Variants in LYN observed in about 807,000 individuals in gnomAD.
LYN encodes the protein tyrosine-protein kinase Lyn.
LYN carries 12 observed loss-of-function variants against 65.0 expected under a neutral mutation model. The ratio of observed to expected loss-of-function variants is 0.18; its 90% CI spans 0.12 to 0.30. The LOEUF (loss-of-function observed/expected upper bound fraction) is 0.30, where lower values mean the gene tolerates loss of function less well. Ranked by LOEUF, LYN falls within the 10% of genes least tolerant of loss-of-function variation. The pLI is 1.00. For missense variants in LYN, 380 were observed against 623.2 expected (o/e 0.61, Z 4.16); for synonymous variants, 222 against 221.2 (o/e 1.00, Z -0.03).
intron 10 of LYN, among the ~76,000 whole-genome samples, chr8:55,997,424 C>T (rs944183846): frequency 2.6e-5 from 4 of 152,124 alleles, no homozygotes; most frequent in African/African-American, 4.8e-5. Flanking sequence ...GCAAGGAAAG[C>T]CCTGGCAGGT....
At chr8:55,887,143 T>A (rs1032283895) in intron 1 of LYN, among the ~76,000 whole-genome samples, 11 of 152,220 alleles carry the variant, frequency 7.2e-5, no homozygotes, top group African/African-American at 2.4e-4. Context: ...ATATGAAAAA[T>A]TTTTTTTCAA....
chr8:55,894,370 T>C (rs973595200), intron 1 of LYN, among the ~76,000 whole-genome samples: 13 of 88,142 alleles, frequency 1.5e-4, no homozygotes, highest in Non-Finnish European at 2.9e-4. Flanking sequence ...AGATTAACTT[T>C]CTTAATTTTT....
intron 8 of LYN, among the ~76,000 whole-genome samples, chr8:55,959,349 T>A (rs575677961): frequency 2.6e-5 from 4 of 152,378 alleles, no homozygotes; most frequent in Admixed American, 2.6e-4. Flanking sequence ...TTACTTGATT[T>A]ACTAATAACG....
rs1361930182 is a variant in LYN, at chr8:55,986,194, CA to C, written c.1051-12143del. Among the ~76,000 whole-genome samples, 5 of 146,034 alleles carry C rather than the reference CA, an allele frequency of 3.4e-5. No homozygotes were observed. The East Asian group carries it at 9.9e-4, about 29-fold the overall frequency. ...AAAAAATCCACCAGAATCCCCCCCG[CA>C]AAAAAAAACGCTACCTTATGTATAT... On this transcript the variant is annotated intron_variant, in intron 10 of 12. Transcript: ENST00000519728.
chr8:55,936,321 A>G (rs1446066434), intron 1 of LYN, among the ~76,000 whole-genome samples: 2 of 152,210 alleles, frequency 1.3e-5, no homozygotes, highest in African/African-American at 4.8e-5. Flanking sequence ...ACAGAAAGGC[A>G]GCAAGACCTT....
intron 10 of LYN, among the ~76,000 whole-genome samples, chr8:55,994,192 A>G (rs972229796): frequency 1.3e-5 from 2 of 152,254 alleles, no homozygotes; most frequent in South Asian, 4.1e-4. Context: ...CAGGGAAAGA[A>G]TAAAGAGAAT....
chr8:55,904,406 C>T (rs1805362792), intron 1 of LYN, among the ~76,000 whole-genome samples: 1 of 152,072 alleles, frequency 6.6e-6, no homozygotes, highest in South Asian at 2.1e-4. Context: ...ATTTACAATC[C>T]TGGGTTCTAT....
intron 10 of LYN, among the ~76,000 whole-genome samples, chr8:55,996,135 CTG>C (rs1241040749): frequency 6.6e-6 from 1 of 152,208 alleles, no homozygotes; most frequent in Non-Finnish European, 1.5e-5. Context: ...CATGACACCA[CTG>C]AGAGCATTAA....
intron 1 of LYN, among the ~76,000 whole-genome samples, chr8:55,890,012 C>T (rs531635925): frequency 4.7e-5 from 7 of 148,016 alleles, no homozygotes; most frequent in African/African-American, 1.7e-4. Context: ...TGAAGTGGCT[C>T]ATGCCTATAA....
At chr8:55,994,343 C>T (rs943326805) in intron 10 of LYN, among the ~76,000 whole-genome samples, 6 of 152,042 alleles carry the variant, frequency 3.9e-5, no homozygotes, top group Non-Finnish European at 8.8e-5. Context: ...TCTTGGTGAA[C>T]GCTTTAATTA....
intron 1 of LYN, among the ~76,000 whole-genome samples, chr8:55,933,363 A>G (rs1052381379): frequency 2.0e-5 from 3 of 152,252 alleles, no homozygotes; most frequent in Non-Finnish European, 4.4e-5. Flanking sequence ...CCAGTGACCT[A>G]TAATTTGACA....
intron 8 of LYN, among the ~76,000 whole-genome samples, chr8:55,960,473 G>T (rs2130511117): frequency 6.6e-6 from 1 of 152,294 alleles, no homozygotes; most frequent in South Asian, 2.1e-4. Flanking sequence ...CAGTCAGCGA[G>T]CTCCTTCTTC....
chr8:55,917,799 G>A (rs1025282414), intron 1 of LYN, among the ~76,000 whole-genome samples: 18 of 152,156 alleles, frequency 1.2e-4, no homozygotes, highest in Non-Finnish European at 1.9e-4. Context: ...TAAGGAATAT[G>A]CTTGAGATAT....
chr8:55,984,163 T>C (rs1808008294), intron 10 of LYN, among the ~76,000 whole-genome samples: 1 of 152,194 alleles, frequency 6.6e-6, no homozygotes, highest in African/African-American at 2.4e-5. Flanking sequence ...AGATTTCATT[T>C]TGAGATCCTT....
At chr8:55,965,689 T>C (rs1807434393) in intron 8 of LYN, among the ~76,000 whole-genome samples, 1 of 152,226 alleles carries the variant, frequency 6.6e-6, no homozygotes, top group African/African-American at 2.4e-5. Flanking sequence ...CTATAAAATA[T>C]GTCTGTATTT....
intron 1 of LYN, among the ~76,000 whole-genome samples, chr8:55,887,562 A>G (rs1804832468): frequency 1.7e-5 from 1 of 58,370 alleles, no homozygotes; most frequent in Non-Finnish European, 3.1e-5. Context: ...ATATAAATAT[A>G]TATATATATA....
intron 1 of LYN, among the ~76,000 whole-genome samples, chr8:55,939,104 C>T (rs1052444678): frequency 1.6e-4 from 24 of 152,178 alleles, no homozygotes; most frequent in African/African-American, 5.1e-4. Flanking sequence ...TTCTACATTT[C>T]TGGTACTTTC....
At chr8:55,978,835 A>C (rs1243087032) in intron 10 of LYN, among the ~76,000 whole-genome samples, 4 of 152,098 alleles carry the variant, frequency 2.6e-5, no homozygotes, top group African/African-American at 9.7e-5. Context: ...TTTGGGTGGA[A>C]GCCAAGCCCT....
intron 10 of LYN, among the ~76,000 whole-genome samples, chr8:55,995,865 G>A (rs1808360935): frequency 6.6e-6 from 1 of 152,164 alleles, no homozygotes; most frequent in Admixed American, 6.5e-5. Context: ...ATACTGGACT[G>A]AATAGTCTTT....
Sources: gnomAD v4.1 joint callset for allele counts (sites outside exome capture counted in the v4.1 genomes callset) on GRCh38, gnomAD v4.1.1 for gene constraint, MANE v1.5 for transcripts, NCBI Gene and HGNC (gene_info 2026-07-23, HGNC 2026-07-21) for gene names.